Variants in ZDHHC14 observed in about 807,000 individuals in gnomAD.
The protein encoded by ZDHHC14 is palmitoyltransferase ZDHHC14.
ZDHHC14 carries 16 observed loss-of-function variants against 47.7 expected under a neutral mutation model. The observed-to-expected ratio is 0.34, with a 90% CI of 0.23 to 0.51. ZDHHC14 has a LOEUF of 0.51. Ranked by LOEUF, ZDHHC14 falls within the 20% of genes least tolerant of loss-of-function variation. ZDHHC14 has a pLI of 0.97. For missense variants in ZDHHC14, 515 were observed against 662.5 expected, an observed-to-expected ratio of 0.78 and a Z score of 2.44; for synonymous variants, 293 against 278.9, an observed-to-expected ratio of 1.05 and a Z score of -0.50.
intron 3 of ZDHHC14, among the ~76,000 whole-genome samples, chr6:157,615,332 T>G (rs949118958): frequency 6.6e-6 from 1 of 152,200 alleles, no homozygotes; most frequent in African/African-American, 2.4e-5. Flanking sequence ...GCAGGGGTAT[T>G]GATGTCGTAC....
At chr6:157,523,114 ATCTC>A (rs748957176) in intron 1 of ZDHHC14, among the ~76,000 whole-genome samples, 20 of 149,446 alleles carry the variant, frequency 1.3e-4, no homozygotes, top group Non-Finnish European at 5.9e-5. Context: ...GGTGAATGGG[ATCTC>A]TCTCTCTCTA....
At chr6:157,638,012 AG>A (rs1777065552) in intron 5 of ZDHHC14, among the ~76,000 whole-genome samples, 2 of 152,334 alleles carry the variant, frequency 1.3e-5, no homozygotes, top group East Asian at 3.9e-4. Flanking sequence ...GGAACCGAGT[AG>A]CTTCTACTGT....
intron 1 of ZDHHC14, 139 bp downstream of exon 1, chr6:157,382,405 T>C (rs919439337): frequency 2.3e-5 from 25 of 1,090,698 alleles, no homozygotes; most frequent in Non-Finnish European, 3.8e-6. Flanking sequence ...GCTCCCTCTT[T>C]TTTCTTTTAA....
intron 2 of ZDHHC14, among the ~76,000 whole-genome samples, chr6:157,587,452 TA>T (rs971805985): frequency 4.0e-5 from 6 of 151,822 alleles, no homozygotes; most frequent in Non-Finnish European, 8.8e-5. Context: ...CCTGTGACAT[TA>T]GTGCCATTTG....
At chr6:157,591,084 A>G (rs1413736526) in intron 2 of ZDHHC14, among the ~76,000 whole-genome samples, 1 of 152,310 alleles carries the variant, frequency 6.6e-6, no homozygotes, top group East Asian at 1.9e-4. Flanking sequence ...CTGTACCCCC[A>G]TTGTATCTAG....
intron 5 of ZDHHC14, among the ~76,000 whole-genome samples, chr6:157,644,852 T>C (rs1583065147): frequency 1.3e-5 from 2 of 152,204 alleles, no homozygotes; most frequent in Non-Finnish European, 2.9e-5. Context: ...ATCCTGTAAA[T>C]AGAATGTTAT....
At chr6:157,472,648 A>C (rs1779383189) in intron 1 of ZDHHC14, among the ~76,000 whole-genome samples, 1 of 152,166 alleles carries the variant, frequency 6.6e-6, no homozygotes, top group Non-Finnish European at 1.5e-5. Context: ...CTTTGCTACA[A>C]GATGCTACTT....
intron 1 of ZDHHC14, among the ~76,000 whole-genome samples, chr6:157,420,750 CAGAA>C (rs1421896409): frequency 1.3e-5 from 2 of 152,212 alleles, no homozygotes; most frequent in African/African-American, 4.8e-5. Context: ...GCGAATGACT[CAGAA>C]AGAGAGACAA....
At chr6:157,435,313 A>G (rs569598592) in intron 1 of ZDHHC14, among the ~76,000 whole-genome samples, 5 of 152,336 alleles carry the variant, frequency 3.3e-5, no homozygotes, top group African/African-American at 1.2e-4. Context: ...GGGCAAGAGC[A>G]AGGGTGCCCC....
intron 1 of ZDHHC14, among the ~76,000 whole-genome samples, chr6:157,531,877 C>T (rs548773369): frequency 8.1e-4 from 124 of 152,402 alleles, no homozygotes; most frequent in Middle Eastern, 3.4e-3. Flanking sequence ...GACACTTTTC[C>T]GTAGCGGTAA....
At chr6:157,665,320 C>A (rs1365299491) in intron 8 of ZDHHC14, among the ~76,000 whole-genome samples, 1 of 152,142 alleles carries the variant, frequency 6.6e-6, no homozygotes, top group African/African-American at 2.4e-5. Flanking sequence ...TTGTTTGCTA[C>A]CCACTCTACC....
intron 2 of ZDHHC14, among the ~76,000 whole-genome samples, chr6:157,590,052 T>C (rs909803917): frequency 6.6e-6 from 1 of 152,210 alleles, no homozygotes; most frequent in African/African-American, 2.4e-5. Context: ...CATTTTGCCC[T>C]GCCCTAGAGA....
At chr6:157,385,069 A>C (rs771115266) in intron 1 of ZDHHC14, among the ~76,000 whole-genome samples, 10 of 152,216 alleles carry the variant, frequency 6.6e-5, no homozygotes, top group Non-Finnish European at 5.9e-5. Context: ...GGTGTGAGCC[A>C]CTGCACCTGG....
intron 5 of ZDHHC14, among the ~76,000 whole-genome samples, chr6:157,635,032 C>T (rs766682181): frequency 7.9e-5 from 12 of 151,822 alleles, no homozygotes; most frequent in Admixed American, 5.2e-4. Context: ...CTCACTCTGT[C>T]GCCCAGGCTG....
chr6:157,555,434 A>G (rs990842102), intron 2 of ZDHHC14, among the ~76,000 whole-genome samples: 3 of 152,210 alleles, frequency 2.0e-5, no homozygotes, highest in Non-Finnish European at 4.4e-5. Flanking sequence ...TTTTCTCTCA[A>G]GGAACACAGA....
At chr6:157,645,528 C>T (rs554548963) in intron 5 of ZDHHC14, among the ~76,000 whole-genome samples, 6 of 152,142 alleles carry the variant, frequency 3.9e-5, no homozygotes, top group Admixed American at 2.0e-4. Context: ...TGCTCCACGC[C>T]GGGGCAGGTG....
chr6:157,594,953 C>CACTT (rs200516252), intron 3 of ZDHHC14, among the ~76,000 whole-genome samples: 3,169 of 152,170 alleles, frequency 0.021, 125 homozygotes, highest in African/African-American at 0.073. Context: ...GTGTGTCTTA[C>CACTT]ACTTGTGCAC....
chr6:157,503,885 T>C (rs1245936184), intron 1 of ZDHHC14, among the ~76,000 whole-genome samples: 2 of 152,184 alleles, frequency 1.3e-5, no homozygotes, highest in Non-Finnish European at 2.9e-5. Flanking sequence ...GGAGTGTAAT[T>C]TGGTGCCACC....
At position 157,521,571 on chromosome 6, in the gene ZDHHC14, G is replaced by A. The variant is rs141682649; in HGVS notation, c.246-21014G>A. ...CTAGCTGTGCCCTCACATGGTGGGAGAGGCCAGGCAGCTCTTTGGGGCCTC... is the reference window on the plus strand; with the variant it reads ...CTAGCTGTGCCCTCACATGGTGGGAAAGGCCAGGCAGCTCTTTGGGGCCTC... On this transcript the variant is annotated intron_variant, in intron 1 of 8. Coordinates refer to ENST00000359775, the MANE Select transcript of ZDHHC14 (RefSeq NM_024630.3). Among the ~76,000 whole-genome samples, 1,347 of 152,354 alleles carry A rather than the reference G, an allele frequency of 8.8e-3. 12 individuals carry two copies. The highest frequency in any genetic ancestry group is 0.015 in the Non-Finnish European group (1,016 of 68,044).
Sources: allele counts gnomAD v4.1 joint callset (sites outside exome capture counted in the v4.1 genomes callset), GRCh38; gene constraint gnomAD v4.1.1; transcripts MANE v1.5; gene names NCBI Gene and HGNC (gene_info 2026-07-23, HGNC 2026-07-21).